Variants in GLB1L3 observed in about 807,000 individuals in gnomAD.
The protein encoded by GLB1L3 is beta-galactosidase-1-like protein 3.
GLB1L3 carries 89 observed loss-of-function variants against 89.5 expected under a neutral mutation model. That is an observed-to-expected ratio of 0.99 (90% confidence interval 0.84 to 1.19). The LOEUF is 1.19. Among genes scored for constraint, GLB1L3 ranks in the 50% most tolerant of loss-of-function variants. The pLI is 0.00. For synonymous variants in GLB1L3, 314 were observed against 312.3 expected, an observed-to-expected ratio of 1.01 and a Z score of -0.06; for missense variants, 812 against 813.3, an observed-to-expected ratio of 1.00 and a Z score of 0.02.
chr11:134,308,356 CTACCACCACCACCACCACCACCAT>C (rs1942406857), intron 10 of GLB1L3, among the ~76,000 whole-genome samples: 1 of 31,786 alleles, frequency 3.1e-5, no homozygotes, highest in African/African-American at 1.3e-4. Context: ...ACCATCACCA[CTACCACCACCACCACCACCACCAT>C]CACCACCATC....
intron 18 of GLB1L3, among the ~76,000 whole-genome samples, chr11:134,315,907 A>G (rs934319755): frequency 1.3e-5 from 2 of 152,158 alleles, no homozygotes; most frequent in Non-Finnish European, 2.9e-5. Flanking sequence ...TTTTAATTAT[A>G]TGAATTTAGG....
rs976763398 is a variant in GLB1L3 at position 134,288,539 on chromosome 11, C to G, written c.637-259C>G. Among the ~76,000 whole-genome samples, 9 of 152,258 alleles carry G rather than the reference C, an allele frequency of 5.9e-5. No individual in the cohort carries two copies. The East Asian group carries it at 1.5e-3, about 26-fold the overall frequency. On this transcript the variant is annotated intron_variant, in intron 6 of 19. Coordinates refer to ENST00000431683, the MANE Select transcript of GLB1L3 (RefSeq NM_001080407.3). ...AGGTGCATTTGTAGGTTTGAGGGCT[C>G]AAATTTAAGTAGCCAGTGTGAGAAC...
intron 9 of GLB1L3, among the ~76,000 whole-genome samples, chr11:134,303,731 T>C (rs79274198): frequency 0.013 from 1,905 of 152,310 alleles, 38 homozygotes; most frequent in African/African-American, 0.043. Context: ...ATTCCTTCAG[T>C]TTTAGCCCAA....
At chr11:134,277,963 C>T in intron 3 of GLB1L3, 51 bp downstream of exon 3, 1 of 1,584,144 alleles carries the variant, frequency 6.3e-7, no homozygotes, top group Non-Finnish European at 8.6e-7. Flanking sequence ...CAAGTGCATC[C>T]TGGCCGGGAA....
chr11:134,314,427 T>G lies in GLB1L3; in HGVS notation c.1765T>G (p.Phe589Val). 1 of 1,549,626 alleles carries G rather than the reference T, an allele frequency of 6.5e-7. No individual in the cohort carries two copies. Among genetic ancestry groups the G allele is most frequent in the South Asian group, 1.2e-5 (1 of 83,984 alleles). The change falls in exon 18 of 20, where the codon TTC (phenylalanine) becomes GTC (valine). Residue 589 changes from phenylalanine (F) to valine (V), a missense_variant. Transcript: ENST00000431683. ...GGCTGGCCCTTCTCCCAAGGACACC[T>G]TCCTGAGCCTGCTGGTAGGTGATGC... ...LKAGPSPKDT[F>V]LSLLNWNYGF...
chr11:134,281,992 C>T (rs777156658), intron 4 of GLB1L3, 33 bp from the exon 5 acceptor site: 34 of 1,495,690 alleles, frequency 2.3e-5, no homozygotes, highest in African/African-American at 1.0e-4. Context: ...CCTGGGCCGT[C>T]GTGGGAGGGG....
intron 3 of GLB1L3, among the ~76,000 whole-genome samples, chr11:134,278,260 A>C (rs971458264): frequency 1.3e-5 from 2 of 151,618 alleles, no homozygotes; most frequent in Non-Finnish European, 2.9e-5. Context: ...TTACAGATAC[A>C]TGCATGTTTT....
chr11:134,308,489 TCACCACCAAATACCACCA>T (rs1942486169), intron 10 of GLB1L3, among the ~76,000 whole-genome samples: 6 of 6,102 alleles, frequency 9.8e-4, no homozygotes, highest in Non-Finnish European at 1.5e-3. Context: ...ACCACCACCA[TCACCACCAAATACCACCA>T]CCACCACCAC....
chr11:134,322,013 C>G (rs1591602790), downstream of GLB1L3, among the ~76,000 whole-genome samples: 1 of 152,022 alleles, frequency 6.6e-6, no homozygotes, highest in East Asian at 1.9e-4. Flanking sequence ...GCGCTAAACT[C>G]TAAACGGTAA....
chr11:134,297,876 A>AAAAAAAAAG (rs1555077361), intron 9 of GLB1L3, among the ~76,000 whole-genome samples: 65 of 110,836 alleles, frequency 5.9e-4, no homozygotes, highest in Non-Finnish European at 7.8e-4. Context: ...AAAAAAAAAA[A>AAAAAAAAAG]AAAGAAAGAA....
chr11:134,304,130 G>T (rs755133002), intron 9 of GLB1L3, among the ~76,000 whole-genome samples: 1 of 151,968 alleles, frequency 6.6e-6, no homozygotes, highest in Non-Finnish European at 1.5e-5. Flanking sequence ...CTCCTGTGTT[G>T]TCTCACTCCT....
rs1942889114 is a variant in GLB1L3 at position 134,314,358 on chromosome 11, C to G, written c.1696C>G (p.Pro566Ala). 1.3e-6 allele frequency: 2 copies of G among 1,551,038 alleles called. No homozygotes were observed. The highest frequency in any genetic ancestry group is 1.7e-6 in the Non-Finnish European group (2 of 1,146,748). ...RLRSATWKPV[P>A]DSHQGPAFYC... ...CCGCTCTGCCACCTGGAAGCCTGTC[C>G]CAGACAGCCACCAGGGCCCGGCCTT... Residue 566 changes from proline to alanine, a missense_variant, in exon 18 of 20, where the codon CCA (proline) becomes GCA (alanine). Coordinates refer to ENST00000431683, the MANE Select transcript of GLB1L3 (RefSeq NM_001080407.3).
chr11:134,313,090 A>C (rs1942822350), intron 15 of GLB1L3, among the ~76,000 whole-genome samples: 1 of 152,046 alleles, frequency 6.6e-6, no homozygotes, highest in Non-Finnish European at 1.5e-5. Flanking sequence ...TGTGTGCTGG[A>C]GGGGAGGGGA....
intron 9 of GLB1L3, among the ~76,000 whole-genome samples, chr11:134,299,168 T>A (rs1363727514): frequency 6.6e-6 from 1 of 152,080 alleles, no homozygotes; most frequent in Admixed American, 6.6e-5. Context: ...TGCTTCTTTC[T>A]TAGTTTTCAT....
chr11:134,293,720 T>G (rs1941483753), intron 9 of GLB1L3, among the ~76,000 whole-genome samples: 3 of 113,720 alleles, frequency 2.6e-5, no homozygotes, highest in African/African-American at 8.3e-5. Context: ...AGTACATCTG[T>G]CCTTTCTCTG....
chr11:134,299,282 TACA>T (rs1249700489), intron 9 of GLB1L3, among the ~76,000 whole-genome samples: 2 of 152,148 alleles, frequency 1.3e-5, no homozygotes, highest in African/African-American at 4.8e-5. Flanking sequence ...GTGAGATAGT[TACA>T]ACATCTGTGT....
chr11:134,289,186 A>G (rs1941198469), intron 7 of GLB1L3, among the ~76,000 whole-genome samples: 1 of 152,220 alleles, frequency 6.6e-6, no homozygotes, highest in Non-Finnish European at 1.5e-5. Context: ...TTCTTACAGC[A>G]AAGTAAGCTT....
intron 9 of GLB1L3, among the ~76,000 whole-genome samples, chr11:134,299,815 CCAGCTCTTCTTCTAGCGG>C (rs1387535706): frequency 6.6e-6 from 1 of 152,102 alleles, no homozygotes; most frequent in Non-Finnish European, 1.5e-5. Flanking sequence ...GTGCTCCTAC[CCAGCTCTTCTTCTAGCGG>C]CAGATCTGAT....
At chr11:134,318,562 C>T in intron 18 of GLB1L3, 69 bp from the exon 19 acceptor site, 1 of 905,998 alleles carries the variant, frequency 1.1e-6, no homozygotes, top group Non-Finnish European at 1.8e-6. Context: ...CTCTCACTCT[C>T]CAAGTGCCTT....
Sources: allele counts gnomAD v4.1 joint callset (sites outside exome capture counted in the v4.1 genomes callset), GRCh38; gene constraint gnomAD v4.1.1; transcripts MANE v1.5; gene names NCBI Gene and HGNC (gene_info 2026-07-23, HGNC 2026-07-21).